The following CSRNP3 variants were observed in gnomAD, a reference collection of about 807,000 sequenced individuals.
CSRNP3 encodes the protein cysteine/serine-rich nuclear protein 3.
A neutral mutation model predicts 48.0 loss-of-function variants in CSRNP3; 12 were observed. The ratio of observed to expected loss-of-function variants is 0.25; its 90% CI spans 0.16 to 0.41. The LOEUF is 0.41. CSRNP3 is among the 10% of genes least tolerant of loss of function. The pLI, the probability that CSRNP3 is intolerant of heterozygous loss-of-function variation, is 1.00. For missense variants in CSRNP3, 580 were observed against 724.4 expected, an observed-to-expected ratio of 0.80 and a Z score of 2.29; for synonymous variants, 263 against 269.7, an observed-to-expected ratio of 0.98 and a Z score of 0.24.
At chr2:165,572,909 G>A (rs1685394490) in intron 3 of CSRNP3, among the ~76,000 whole-genome samples, 1 of 152,080 alleles carries the variant, frequency 6.6e-6, no homozygotes, top group Non-Finnish European at 1.5e-5. Flanking sequence ...CTGACAAATA[G>A]TTCACATAAA....
rs1687495352 is a variant in CSRNP3 at position 165,679,585 on chromosome 2, A to G, written c.1590A>G (p.Glu530=). Residue 530 remains glutamate (E), a synonymous_variant, in exon 7 of 7, where the codon GAA becomes GAG. Coordinates refer to ENST00000651982, the MANE Select transcript of CSRNP3 (RefSeq NM_001172173.2). ...PEHRSNHPQV[E]FHSYLKGPSQ... ...ACAGGTCCAATCACCCTCAAGTGGA[A>G]TTTCACTCATACTTGAAAGGCCCCT... is the stretch of plus-strand genomic sequence containing the variant. 1 of 1,613,916 alleles carries G rather than the reference A, an allele frequency of 6.2e-7. No individual in the cohort carries two copies. The highest frequency in any genetic ancestry group is 1.3e-5 in the African/African-American group (1 of 74,900).
intron 2 of CSRNP3, among the ~76,000 whole-genome samples, chr2:165,495,969 C>T (rs1282784349): frequency 1.3e-5 from 2 of 151,936 alleles, no homozygotes; most frequent in South Asian, 2.1e-4. Flanking sequence ...ATGTCGTACA[C>T]ATTTACCCCA....
chr2:165,681,886 A>G lies in CSRNP3; in HGVS notation c.*2133A>G, dbSNP rs1687554259. ...TGACAGTTTTTAGTGCTTAATCTCC[A>G]AAATTTTCCCCCTACTGATACAATC... On this transcript the variant is annotated 3_prime_UTR_variant, in exon 7 of 7. Coordinates refer to ENST00000651982, the MANE Select transcript of CSRNP3 (RefSeq NM_001172173.2). 3 of 150,388 alleles carry G rather than the reference A, an allele frequency of 2.0e-5. No homozygotes were observed. In the South Asian group the frequency reaches 6.3e-4, roughly 32 times the overall value. The allele number at this position is 150,388 out of a possible 1,614,324, so 9.3% of individuals were successfully genotyped here.
intron 2 of CSRNP3, among the ~76,000 whole-genome samples, chr2:165,497,662 T>G (rs1684301374): frequency 6.6e-6 from 1 of 152,086 alleles, no homozygotes; most frequent in Non-Finnish European, 1.5e-5. Context: ...CTATGAGAAC[T>G]AGTAGGACCT....
rs73029842 is a variant in CSRNP3, at chr2:165,570,373, G to A, written c.-23-24670G>A. 8.5e-3 allele frequency among the ~76,000 whole-genome samples: 1,289 copies of A among 151,890 alleles called. 17 individuals carry two copies. Among genetic ancestry groups the A allele is most frequent in the African/African-American group, 0.028 (1,177 of 41,468 alleles). ...ATTTTACTGGCAATGTGTTTTAATTGCTAGCTATTTTCATATTCCTTGTAT... is the reference window on the plus strand; with the variant it reads ...ATTTTACTGGCAATGTGTTTTAATTACTAGCTATTTTCATATTCCTTGTAT... On this transcript the variant is annotated intron_variant, in intron 3 of 6. Coordinates refer to ENST00000651982, the MANE Select transcript of CSRNP3 (RefSeq NM_001172173.2).
At chr2:165,489,195 A>G (rs1270465445) in intron 1 of CSRNP3, among the ~76,000 whole-genome samples, 1 of 151,636 alleles carries the variant, frequency 6.6e-6, no homozygotes, top group South Asian at 2.1e-4. Flanking sequence ...TAGAAAATCT[A>G]GAAGAAATGA....
At chr2:165,613,572 G>C (rs1686176451) in intron 4 of CSRNP3, among the ~76,000 whole-genome samples, 1 of 152,090 alleles carries the variant, frequency 6.6e-6, no homozygotes, top group Non-Finnish European at 1.5e-5. Context: ...ATTGATTTTT[G>C]TATACAGTGA....
intron 1 of CSRNP3, among the ~76,000 whole-genome samples, chr2:165,476,588 T>A (rs1435819510): frequency 2.6e-5 from 4 of 152,240 alleles, no homozygotes; most frequent in Non-Finnish European, 5.9e-5. Flanking sequence ...TAGAAATGCA[T>A]CATTTGAGCT....
At chr2:165,589,808 T>C (rs1029966085) in intron 3 of CSRNP3, among the ~76,000 whole-genome samples, 1 of 152,246 alleles carries the variant, frequency 6.6e-6, no homozygotes, top group Non-Finnish European at 1.5e-5. Flanking sequence ...TGTAATGTTG[T>C]GACATGCATC....
At chr2:165,649,675 G>T (rs1266856948) in intron 4 of CSRNP3, among the ~76,000 whole-genome samples, 1 of 152,130 alleles carries the variant, frequency 6.6e-6, no homozygotes, top group African/African-American at 2.4e-5. Flanking sequence ...AATAGACTTG[G>T]ACTAAAAATG....
intron 1 of CSRNP3, among the ~76,000 whole-genome samples, chr2:165,490,552 T>TAA (rs1197464253): frequency 7.0e-6 from 1 of 143,812 alleles, no homozygotes; most frequent in Non-Finnish European, 1.5e-5. Context: ...CAAACTATAC[T>TAA]ACAAGGCTAC....
rs1194165222 is a variant in CSRNP3, at chr2:165,686,530, A to G, written c.*6777A>G. The G allele has an allele frequency of 6.6e-6, 1 of 152,060 alleles. No homozygotes were observed. The highest frequency in any genetic ancestry group is 1.5e-5 in the Non-Finnish European group (1 of 67,950). The allele number at this position is 152,060 out of a possible 1,614,324, so 9.4% of individuals were successfully genotyped here. Reference sequence around the variant, plus strand: ...AAAGAGAAGAAAAAATAAAATCTAAATCTCAATTACCCTAAAGTGGAAAAA... The same window carrying G: ...AAAGAGAAGAAAAAATAAAATCTAAGTCTCAATTACCCTAAAGTGGAAAAA... On this transcript the variant is annotated 3_prime_UTR_variant, in exon 7 of 7. Transcript: ENST00000651982.
chr2:165,473,469 G>A (rs1270281384), intron 1 of CSRNP3, among the ~76,000 whole-genome samples: 1 of 152,014 alleles, frequency 6.6e-6, no homozygotes, highest in Non-Finnish European at 1.5e-5. Flanking sequence ...AAATTGTGCT[G>A]TATACATAAA....
intron 1 of CSRNP3, among the ~76,000 whole-genome samples, 167 bp downstream of exon 1, chr2:165,469,907 T>C (rs575721563): frequency 6.6e-6 from 1 of 152,284 alleles, no homozygotes; most frequent in East Asian, 1.9e-4. Flanking sequence ...ATGAGCTTGC[T>C]GTTCTTTCTC....
At chr2:165,519,972 TGA>T (rs1684629954) in intron 3 of CSRNP3, among the ~76,000 whole-genome samples, 1 of 152,140 alleles carries the variant, frequency 6.6e-6, no homozygotes, top group South Asian at 2.1e-4. Context: ...AAAACAAGGA[TGA>T]TGAAATACAA....
intron 5 of CSRNP3, among the ~76,000 whole-genome samples, chr2:165,665,968 G>C (rs1424305352): frequency 9.2e-6 from 1 of 108,142 alleles, no homozygotes; most frequent in East Asian, 2.4e-4. Context: ...AGGAAAGAGA[G>C]AGGGGAAGAA....
intron 4 of CSRNP3, among the ~76,000 whole-genome samples, chr2:165,649,661 A>G (rs150268049): frequency 6.6e-6 from 1 of 152,334 alleles, no homozygotes; most frequent in African/African-American, 2.4e-5. Context: ...ATATATCAGC[A>G]AGAAATAGAC....
intron 3 of CSRNP3, among the ~76,000 whole-genome samples, chr2:165,549,907 A>T (rs1414273128): frequency 6.6e-6 from 1 of 152,172 alleles, no homozygotes; most frequent in Admixed American, 6.5e-5. Flanking sequence ...TGAAAAACAG[A>T]TATCAGTTCA....
At chr2:165,612,562 T>G (rs750684652) in intron 4 of CSRNP3, among the ~76,000 whole-genome samples, 55 of 152,078 alleles carry the variant, frequency 3.6e-4, no homozygotes, top group Admixed American at 1.2e-3. Context: ...CATCAACGTC[T>G]TCCTGTCCTC....
Sources: allele counts gnomAD v4.1 joint callset (sites outside exome capture counted in the v4.1 genomes callset), GRCh38; gene constraint gnomAD v4.1.1; transcripts MANE v1.5; gene names NCBI Gene and HGNC (gene_info 2026-07-23, HGNC 2026-07-21).